The following CCDC171 variants were observed in gnomAD, a reference collection of about 807,000 sequenced individuals.
CCDC171 encodes the protein coiled-coil domain containing 171, also known as coiled-coil domain-containing protein 171.
In CCDC171, 177 loss-of-function variants were observed where a neutral mutation model predicts 168.2. That is an observed-to-expected ratio of 1.05 (90% CI 0.93 to 1.19). CCDC171 has a LOEUF of 1.19. CCDC171 is among the 50% of genes most tolerant of loss of function. CCDC171 has a pLI of 0.00. For missense variants in CCDC171, 1,991 were observed against 1,539.0 expected (o/e 1.29, Z -4.91); for synonymous variants, 687 against 540.8 (o/e 1.27, Z -3.75).
chr9:15,558,682 G>A (rs761426413), intron 1 of CCDC171, among the ~76,000 whole-genome samples: 1 of 152,046 alleles, frequency 6.6e-6, no homozygotes, highest in South Asian at 2.1e-4. Context: ...CCAAAAACCA[G>A]CTCCTGGATT....
At chr9:15,793,164 G>C (rs1181712809) in intron 21 of CCDC171, among the ~76,000 whole-genome samples, 2 of 151,708 alleles carry the variant, frequency 1.3e-5, no homozygotes, top group Non-Finnish European at 1.5e-5. Context: ...AAAAGGCAGG[G>C]GTTGCAATCC....
chr9:16,052,009 A>G (rs969038549), intron 1 of CCDC171, among the ~76,000 whole-genome samples: 1 of 152,246 alleles, frequency 6.6e-6, no homozygotes, highest in African/African-American at 2.4e-5. Flanking sequence ...TCGTGAGAAC[A>G]GCAGGAGAAA....
At position 15,825,427 on chromosome 9, in the gene CCDC171, C is replaced by T. The variant is rs369180297; in HGVS notation, c.3268-21275C>T. On this transcript the variant is annotated intron_variant, in intron 21 of 25. Transcript: ENST00000380701. ...CACTATAAAGTGGATGCTTTACATA[C>T]GTTCTCTGCAATCCTCTAATTTCCT... 1.1e-4 allele frequency among the ~76,000 whole-genome samples: 16 copies of T among 152,194 alleles called. No individual in the cohort carries two copies. In the East Asian group the frequency reaches 2.9e-3, roughly 28 times the overall value.
At chr9:15,904,043 C>T (rs1822125764) in intron 24 of CCDC171, among the ~76,000 whole-genome samples, 1 of 152,182 alleles carries the variant, frequency 6.6e-6, no homozygotes, top group Non-Finnish European at 1.5e-5. Context: ...ACCAAATCTA[C>T]ATCTGATTGG....
chr9:16,036,187 A>G (rs2133048244), exon 8 of CCDC171: 1 of 152,336 alleles, frequency 6.6e-6, no homozygotes, highest in Admixed American at 6.5e-5. Flanking sequence ...GCTGCATTGG[A>G]CATGGATTCC....
chr9:15,992,250 T>G (rs1207923840), intron 3 of CCDC171, among the ~76,000 whole-genome samples: 2 of 152,158 alleles, frequency 1.3e-5, no homozygotes, highest in Non-Finnish European at 2.9e-5. Flanking sequence ...GTGGGCTTCA[T>G]CCCTGGGATG....
intron 7 of CCDC171, among the ~76,000 whole-genome samples, chr9:15,627,618 T>C (rs1047991969): frequency 6.6e-5 from 10 of 152,326 alleles, no homozygotes; most frequent in Admixed American, 2.0e-4. Flanking sequence ...TTCCACGTAG[T>C]TGAGTGGTTT....
At chr9:15,939,375 C>T (rs1383248687) in intron 25 of CCDC171, among the ~76,000 whole-genome samples, 1 of 151,680 alleles carries the variant, frequency 6.6e-6, no homozygotes, top group African/African-American at 2.4e-5. Flanking sequence ...AAAGAAAACC[C>T]TGCAGAATAT....
At chr9:15,993,386 G>T (rs1412396200) in intron 3 of CCDC171, among the ~76,000 whole-genome samples, 1 of 152,154 alleles carries the variant, frequency 6.6e-6, no homozygotes, top group Non-Finnish European at 1.5e-5. Context: ...AAACTGGATA[G>T]CCATATGTAG....
rs192386756 is a variant in CCDC171, at chr9:15,841,251, A to G, written c.3268-5451A>G. Among the ~76,000 whole-genome samples the G allele has an allele frequency of 2.1e-4, 32 of 152,226 alleles. No individual in the cohort carries two copies. The East Asian group carries it at 5.4e-3, about 26-fold the overall frequency. ...GTGTGATAAAATAATTTTAAAAATT[A>G]TACGTATTTGTATGTATATATAAGT... is the stretch of plus-strand genomic sequence containing the variant. On this transcript the variant is annotated intron_variant, in intron 21 of 25. Transcript: ENST00000380701.
At chr9:15,897,647 A>ATT (rs1359846382) in intron 24 of CCDC171, among the ~76,000 whole-genome samples, 1 of 152,158 alleles carries the variant, frequency 6.6e-6, no homozygotes, top group Non-Finnish European at 1.5e-5. Flanking sequence ...TCATAGCAAA[A>ATT]TTCAAAAGGG....
At chr9:15,555,264 T>G in intron 1 of CCDC171, among the ~76,000 whole-genome samples, 1 of 152,130 alleles carries the variant, frequency 6.6e-6, no homozygotes, top group South Asian at 2.1e-4. Context: ...TTAGTTCAAC[T>G]CCACTATCAA....
chr9:15,915,558 G>A (rs538856223), intron 24 of CCDC171, among the ~76,000 whole-genome samples: 5 of 152,096 alleles, frequency 3.3e-5, no homozygotes, highest in East Asian at 1.9e-4. Flanking sequence ...TATCATCAGC[G>A]AGCAGGGATA....
At chr9:15,757,614 A>G (rs998040938) in intron 18 of CCDC171, among the ~76,000 whole-genome samples, 5 of 152,218 alleles carry the variant, frequency 3.3e-5, no homozygotes, top group Non-Finnish European at 7.3e-5. Context: ...AATTAGCTGA[A>G]TCTCCAAGAC....
At chr9:15,851,953 A>T (rs1405298071) in intron 23 of CCDC171, among the ~76,000 whole-genome samples, 3 of 151,846 alleles carry the variant, frequency 2.0e-5, no homozygotes, top group East Asian at 3.9e-4. Flanking sequence ...TTGTATAGTT[A>T]TACCACATTT....
At chr9:15,648,539 T>C (rs186573021) in intron 7 of CCDC171, among the ~76,000 whole-genome samples, 17 of 152,130 alleles carry the variant, frequency 1.1e-4, no homozygotes, top group South Asian at 2.1e-4. Flanking sequence ...TGATAAGCAA[T>C]TTCAGCAAAG....
intron 3 of CCDC171, among the ~76,000 whole-genome samples, chr9:15,982,042 C>G (rs1004460150): frequency 6.6e-6 from 1 of 152,126 alleles, no homozygotes; most frequent in Non-Finnish European, 1.5e-5. Context: ...GTAGTTTATT[C>G]CATGAACTGG....
At chr9:15,862,007 G>A (rs2061581088) in intron 23 of CCDC171, among the ~76,000 whole-genome samples, 2 of 151,672 alleles carry the variant, frequency 1.3e-5, no homozygotes. Context: ...GCCAGGTATA[G>A]TGTTCTTAGA....
intron 21 of CCDC171, among the ~76,000 whole-genome samples, chr9:15,813,466 G>T (rs1259642201): frequency 1.3e-5 from 2 of 151,990 alleles, no homozygotes; most frequent in Non-Finnish European, 2.9e-5. Flanking sequence ...TTGTTTTTTG[G>T]CTATAGCATC....
Sources: allele counts gnomAD v4.1 joint callset (sites outside exome capture counted in the v4.1 genomes callset), GRCh38; gene constraint gnomAD v4.1.1; transcripts MANE v1.5; gene names NCBI Gene and HGNC (gene_info 2026-07-23, HGNC 2026-07-21).